MGAT4C: variants seen among roughly 807,000 people sequenced by gnomAD.
MGAT4C encodes the protein MGAT4 family member C, also known as alpha-1,3-mannosyl-glycoprotein 4-beta-N-acetylglucosaminyltransferase C.
A neutral mutation model predicts 40.1 loss-of-function variants in MGAT4C; 19 were observed. That is an observed-to-expected ratio of 0.47 (90% CI 0.33 to 0.70). The LOEUF is 0.70. Ranked by LOEUF, MGAT4C falls within the 30% of genes least tolerant of loss-of-function variation. MGAT4C has a pLI of 0.02. For missense variants in MGAT4C, 491 were observed against 563.2 expected, an observed-to-expected ratio of 0.87 and a Z score of 1.30; for synonymous variants, 181 against 187.1, an observed-to-expected ratio of 0.97 and a Z score of 0.27.
At chr12:86,682,703 C>A (rs1203737220) in intron 2 of MGAT4C, among the ~76,000 whole-genome samples, 1 of 152,048 alleles carries the variant, frequency 6.6e-6, no homozygotes, top group African/African-American at 2.4e-5. Flanking sequence ...TGAACTAGTA[C>A]AAAATGCACT....
chr12:86,015,872 G>T (rs1592694123), intron 2 of MGAT4C: 1 of 152,328 alleles, frequency 6.6e-6, no homozygotes, highest in Middle Eastern at 3.4e-3. Flanking sequence ...GCATCCCTGT[G>T]TTTTGGACAC....
chr12:86,778,861 C>T (rs375157161), intron 1 of MGAT4C, among the ~76,000 whole-genome samples: 6 of 151,550 alleles, frequency 4.0e-5, no homozygotes, highest in African/African-American at 4.8e-5. Context: ...TTTAAATAAC[C>T]GGTTCCATAT....
At chr12:86,316,918 G>A (rs1275124329) in intron 4 of MGAT4C, among the ~76,000 whole-genome samples, 2 of 151,828 alleles carry the variant, frequency 1.3e-5, no homozygotes, top group Non-Finnish European at 2.9e-5. Flanking sequence ...AAAAAGTAAT[G>A]AAATGAAGCA....
chr12:86,440,223 T>C (rs1336508654), intron 2 of MGAT4C, among the ~76,000 whole-genome samples: 3 of 151,596 alleles, frequency 2.0e-5, no homozygotes, highest in South Asian at 4.2e-4. Context: ...GATGCAAAAA[T>C]CCTCAACAAA....
chr12:86,293,634 G>GT (rs1566264965), intron 4 of MGAT4C, among the ~76,000 whole-genome samples: 3 of 152,126 alleles, frequency 2.0e-5, no homozygotes, highest in Non-Finnish European at 4.4e-5. Flanking sequence ...ATTATGATAT[G>GT]TTTGTAGCTT....
chr12:86,667,743 G>T (rs1310137133), intron 2 of MGAT4C, among the ~76,000 whole-genome samples: 1 of 152,044 alleles, frequency 6.6e-6, no homozygotes, highest in Non-Finnish European at 1.5e-5. Context: ...ATTTTCTTAT[G>T]ATTATATTTC....
chr12:86,179,388 G>A (rs1356901644), intron 1 of MGAT4C, among the ~76,000 whole-genome samples: 1 of 152,196 alleles, frequency 6.6e-6, no homozygotes, highest in Non-Finnish European at 1.5e-5. Flanking sequence ...CCAGTAGTGG[G>A]ATGTTGCTGA....
intron 1 of MGAT4C, among the ~76,000 whole-genome samples, chr12:86,733,792 T>G (rs1950946759): frequency 6.6e-6 from 1 of 152,146 alleles, no homozygotes; most frequent in African/African-American, 2.4e-5. Flanking sequence ...CTGAGAATCC[T>G]TTAAAACCTC....
At chr12:86,153,457 C>T (rs982249271) in intron 1 of MGAT4C, among the ~76,000 whole-genome samples, 3 of 152,130 alleles carry the variant, frequency 2.0e-5, no homozygotes, top group South Asian at 4.1e-4. Flanking sequence ...TTATAAGTTA[C>T]GAAAACAGTT....
chr12:86,192,749 G>A (rs531830960), intron 1 of MGAT4C, among the ~76,000 whole-genome samples: 13 of 152,020 alleles, frequency 8.6e-5, no homozygotes, highest in South Asian at 2.1e-4. Flanking sequence ...GTTTTTTGTC[G>A]TTTTTCTATC....
intron 2 of MGAT4C, among the ~76,000 whole-genome samples, chr12:86,504,719 C>T (rs779554811): frequency 6.6e-6 from 1 of 152,098 alleles, no homozygotes; most frequent in Non-Finnish European, 1.5e-5. Context: ...CAGCATCTCA[C>T]ACTGTCGCCT....
chr12:86,692,419 C>T (rs1950187427), intron 2 of MGAT4C, among the ~76,000 whole-genome samples: 1 of 151,918 alleles, frequency 6.6e-6, no homozygotes, highest in African/African-American at 2.4e-5. Context: ...GGTGTCTACT[C>T]AAAAAACAAT....
At chr12:86,426,791 C>T (rs929289700) in intron 3 of MGAT4C, among the ~76,000 whole-genome samples, 5 of 152,142 alleles carry the variant, frequency 3.3e-5, no homozygotes, top group African/African-American at 9.6e-5. Context: ...ACTAAAAATA[C>T]AAAAAATTAG....
intron 2 of MGAT4C, among the ~76,000 whole-genome samples, chr12:86,585,869 C>G (rs1400364142): frequency 6.6e-6 from 1 of 150,444 alleles, no homozygotes; most frequent in Non-Finnish European, 1.5e-5. Context: ...ATGACTAATA[C>G]TTTTTAAGCC....
intron 3 of MGAT4C, among the ~76,000 whole-genome samples, chr12:86,388,719 T>A (rs1411842904): frequency 6.7e-6 from 1 of 150,006 alleles, no homozygotes; most frequent in South Asian, 2.1e-4. Context: ...CTTGCTCTTG[T>A]TGCCCAGGCT....
chr12:86,201,025 G>C (rs1006128703), intron 1 of MGAT4C, among the ~76,000 whole-genome samples: 3 of 152,124 alleles, frequency 2.0e-5, no homozygotes, highest in African/African-American at 7.2e-5. Context: ...CTAACCTCCA[G>C]AACTACAAGA....
At chr12:86,225,286 T>A (rs924357035) in intron 1 of MGAT4C, among the ~76,000 whole-genome samples, 2 of 151,962 alleles carry the variant, frequency 1.3e-5, no homozygotes, top group African/African-American at 4.8e-5. Flanking sequence ...AGCATGGAAA[T>A]TTAATCAGTA....
intron 2 of MGAT4C, among the ~76,000 whole-genome samples, chr12:86,542,760 G>C (rs1959174824): frequency 6.6e-6 from 1 of 152,142 alleles, no homozygotes; most frequent in African/African-American, 2.4e-5. Flanking sequence ...GTCTGTATCA[G>C]TTTTCACTGG....
intron 2 of MGAT4C, among the ~76,000 whole-genome samples, chr12:86,019,855 C>T (rs1889492266): frequency 2.0e-5 from 3 of 152,134 alleles, no homozygotes; most frequent in African/African-American, 2.4e-5. Flanking sequence ...TTTGTATCCT[C>T]TTTTATTTCA....
Sources: gnomAD v4.1 joint callset for allele counts (sites outside exome capture counted in the v4.1 genomes callset) on GRCh38, gnomAD v4.1.1 for gene constraint, MANE v1.5 for transcripts, NCBI Gene and HGNC (gene_info 2026-07-23, HGNC 2026-07-21) for gene names.